Variants in TMC2 observed in about 807,000 individuals in gnomAD.
TMC2 encodes transmembrane channel-like protein 2.
Under a neutral mutation model 105.9 loss-of-function variants are expected in TMC2, and 102 were observed. The ratio of observed to expected loss-of-function variants is 0.96; its 90% CI spans 0.82 to 1.14. The LOEUF is 1.14. TMC2 is among the 50% of genes most tolerant of loss of function. The pLI is 0.00. For missense variants in TMC2, 1,093 were observed against 1,134.3 expected (o/e 0.96, Z 0.52); for synonymous variants, 402 against 422.8 (o/e 0.95, Z 0.60).
At chr20:2,563,403 T>G (rs2086041691) in intron 4 of TMC2, among the ~76,000 whole-genome samples, 1 of 152,228 alleles carries the variant, frequency 6.6e-6, no homozygotes, top group Non-Finnish European at 1.5e-5. Flanking sequence ...CACCAGAGCT[T>G]TCTGCAATGA....
At chr20:2,613,115 A>G in intron 13 of TMC2, 79 bp from the exon 14 acceptor site, 2 of 1,535,096 alleles carry the variant, frequency 1.3e-6, no homozygotes, top group Admixed American at 1.9e-5. Context: ...AGTTTATTAG[A>G]CTCTCAACAA....
At chr20:2,539,732 G>C (rs1051816367) in intron 2 of TMC2, among the ~76,000 whole-genome samples, 6 of 152,214 alleles carry the variant, frequency 3.9e-5, no homozygotes, top group Non-Finnish European at 7.3e-5. Flanking sequence ...GCCTTCCAGA[G>C]CATTGCGCTG....
intron 17 of TMC2, among the ~76,000 whole-genome samples, chr20:2,625,494 T>G (rs148185062): frequency 6.6e-6 from 1 of 152,238 alleles, no homozygotes; most frequent in East Asian, 1.9e-4. Context: ...TTTCCGGAGT[T>G]TTAAACCTTT....
intron 10 of TMC2, among the ~76,000 whole-genome samples, chr20:2,597,958 A>C (rs1158347474): frequency 2.6e-5 from 4 of 152,164 alleles, no homozygotes; most frequent in African/African-American, 9.7e-5. Context: ...AGCTTAAAAG[A>C]TCTCCTGGGA....
At chr20:2,613,505 G>A (rs2086458881) in intron 14 of TMC2, 183 bp downstream of exon 14, 1 of 806,502 alleles carries the variant, frequency 1.2e-6, no homozygotes, top group Non-Finnish European at 2.0e-6. Flanking sequence ...CTTCATAAGG[G>A]AAACTGCTTT....
Position 2,610,404 on chromosome 20 carries a change from T to C in TMC2, c.1414-15T>C. The stretch of plus-strand genomic sequence containing the variant: ...TAATGTTGATGACACAACGTAGGCT[T>C]TCCTGATTCCTCAGGTAGAGATCGT... On this transcript the variant is annotated splice_polypyrimidine_tract_variant and intron_variant, in intron 11 of 19. Coordinates refer to ENST00000358864, the MANE Select transcript of TMC2 (RefSeq NM_080751.3). 6.2e-7 allele frequency: 1 copy of C among 1,602,626 alleles called. No individual in the cohort carries two copies.
chr20:2,538,134 C>A (rs1281101764), intron 2 of TMC2, among the ~76,000 whole-genome samples: 1 of 152,094 alleles, frequency 6.6e-6, no homozygotes, highest in African/African-American at 2.4e-5. Flanking sequence ...GCCCCAGGAG[C>A]CACTTCATCT....
intron 2 of TMC2, among the ~76,000 whole-genome samples, chr20:2,549,415 T>C (rs957858474): frequency 7.2e-5 from 11 of 152,138 alleles, no homozygotes; most frequent in African/African-American, 2.7e-4. Flanking sequence ...GTCGTCATCG[T>C]TGTTGTTGTT....
chr20:2,536,710 C>G, intron 1 of TMC2, 55 bp downstream of exon 1: 1 of 1,543,216 alleles, frequency 6.5e-7, no homozygotes, highest in East Asian at 2.4e-5. Flanking sequence ...TGGGCAGCAG[C>G]AGGGGATGGG....
chr20:2,576,586 C>T (rs776257424), intron 5 of TMC2, among the ~76,000 whole-genome samples: 1 of 152,134 alleles, frequency 6.6e-6, no homozygotes, highest in East Asian at 1.9e-4. Context: ...ATCCATCTCT[C>T]GAGGGAGGAC....
rs2086700677 is a variant in TMC2 at position 2,643,295 on chromosome 20, G to A, written c.*1944G>A. Among the ~76,000 whole-genome samples, 1 of 152,138 alleles carries A rather than the reference G, an allele frequency of 6.6e-6. No individual in the cohort carries two copies. The highest frequency in any genetic ancestry group is 1.9e-4 in the East Asian group (1 of 5,182). On this transcript the variant is annotated 3_prime_UTR_variant, in exon 20 of 20. Coordinates refer to ENST00000358864, the MANE Select transcript of TMC2 (RefSeq NM_080751.3). The stretch of plus-strand genomic sequence containing the variant: ...GTAACCCAACCAATCAGGACCAGAA[G>A]GCCCAAAGATGGCCACCACACCAAC...
chr20:2,636,999 A>G (rs1050922212), intron 18 of TMC2, among the ~76,000 whole-genome samples: 4 of 152,132 alleles, frequency 2.6e-5, no homozygotes, highest in Admixed American at 1.3e-4. Context: ...CTCTGGCCAC[A>G]TGTTCCTTCA....
intron 2 of TMC2, among the ~76,000 whole-genome samples, chr20:2,553,587 G>T (rs2085969365): frequency 1.3e-5 from 2 of 152,188 alleles, no homozygotes; most frequent in Non-Finnish European, 2.9e-5. Context: ...CATGAAATGA[G>T]TTAGGAAGTG....
Position 2,641,676 on chromosome 20 carries a change from A to C in TMC2, c.*325A>C. Reference sequence around the variant, plus strand: ...TCGGAGTTGGGGAAGGGCCATGACCACCCTCGTAGACTTTTTCCATGGGAT... The same window carrying C: ...TCGGAGTTGGGGAAGGGCCATGACCCCCCTCGTAGACTTTTTCCATGGGAT... On this transcript the variant is annotated 3_prime_UTR_variant, in exon 20 of 20. Transcript: ENST00000358864. 1.5e-5 allele frequency: 4 copies of C among 265,814 alleles called. No homozygotes were observed. Among genetic ancestry groups the C allele is most frequent in the African/African-American group, 2.2e-5 (1 of 46,356 alleles). The allele number at this position is 265,814 out of a possible 1,614,324, so 16.5% of individuals were successfully genotyped here.
Position 2,551,254 on chromosome 20 carries a change from T to C in TMC2, c.83-7202T>C, listed in dbSNP as rs184967242. Among the ~76,000 whole-genome samples, 926 of 152,322 alleles carry C rather than the reference T, an allele frequency of 6.1e-3. 7 individuals carry two copies. Among genetic ancestry groups the C allele is most frequent in the African/African-American group, 0.02 (851 of 41,574 alleles). Reference sequence around the variant, plus strand: ...TTTTCATATGCCTATTTACCATCTGTATACTTTCTTTGGTGAGATGTCTGC... The same window carrying C: ...TTTTCATATGCCTATTTACCATCTGCATACTTTCTTTGGTGAGATGTCTGC... On this transcript the variant is annotated intron_variant, in intron 2 of 19. Transcript: ENST00000358864.
intron 7 of TMC2, among the ~76,000 whole-genome samples, chr20:2,589,849 T>A (rs1229190573): frequency 6.6e-6 from 1 of 152,140 alleles, no homozygotes; most frequent in Non-Finnish European, 1.5e-5. Context: ...TTTTGTATTT[T>A]TAGTAGACAC....
rs991074659 is a variant in TMC2, at chr20:2,642,568, G to A, written c.*1217G>A. ...TACAATGCAGAGCGTTGTCTCTGGGGATTCTATGTTCACTTAGTGTCATAT... is the reference window on the plus strand; with the variant it reads ...TACAATGCAGAGCGTTGTCTCTGGGAATTCTATGTTCACTTAGTGTCATAT... On this transcript the variant is annotated 3_prime_UTR_variant, in exon 20 of 20. Transcript: ENST00000358864. Among the ~76,000 whole-genome samples the A allele has an allele frequency of 2.6e-5, 4 of 152,194 alleles. No homozygotes were observed. The highest frequency in any genetic ancestry group is 4.8e-5 in the African/African-American group (2 of 41,448).
chr20:2,572,771 C>G (rs563705317), intron 5 of TMC2, among the ~76,000 whole-genome samples: 20 of 152,230 alleles, frequency 1.3e-4, no homozygotes, highest in African/African-American at 4.6e-4. Context: ...CCTTCCTTTA[C>G]CCACTGATTT....
Position 2,610,532 on chromosome 20 carries a change from C to A in TMC2, c.1527C>A (p.Ile509=). The change falls in exon 12 of 20, where the codon ATC becomes ATA. Residue 509 remains isoleucine, a synonymous_variant. Coordinates refer to ENST00000358864, the MANE Select transcript of TMC2 (RefSeq NM_080751.3). ...RTGLKWQLGR[I]FALFLGNLYT... ...GACTGAAGTGGCAGCTGGGACGCATCTTTGCACTCTTCCTGGGGAACCTCT... is the reference window on the plus strand; with the variant it reads ...GACTGAAGTGGCAGCTGGGACGCATATTTGCACTCTTCCTGGGGAACCTCT... 2 of 1,613,764 alleles carry A rather than the reference C, an allele frequency of 1.2e-6. No homozygotes were observed. The highest frequency in any genetic ancestry group is 2.7e-5 in the African/African-American group (2 of 74,998).
Sources: gnomAD v4.1 joint callset for allele counts (sites outside exome capture counted in the v4.1 genomes callset) on GRCh38, gnomAD v4.1.1 for gene constraint, MANE v1.5 for transcripts, NCBI Gene and HGNC (gene_info 2026-07-23, HGNC 2026-07-21) for gene names.